CSMD1: variants seen among roughly 807,000 people sequenced by gnomAD.
CSMD1 encodes CUB and Sushi multiple domains 1.
A neutral mutation model predicts 417.5 loss-of-function variants in CSMD1; 213 were observed. The ratio of observed to expected loss-of-function variants is 0.51; its 90% confidence interval spans 0.46 to 0.57. CSMD1 has a LOEUF of 0.57. Among genes scored for constraint, CSMD1 ranks in the 20% least tolerant of loss-of-function variants. CSMD1 has a pLI of 0.00. For synonymous variants in CSMD1, 2,862 were observed against 1,736.8 expected (o/e 1.65, Z -16.11); for missense variants, 6,923 against 4,529.7 (o/e 1.53, Z -15.17).
chr8:4,380,636 A>T (rs891543431), intron 3 of CSMD1, among the ~76,000 whole-genome samples: 2 of 152,184 alleles, frequency 1.3e-5, no homozygotes, highest in African/African-American at 4.8e-5. Context: ...TGTAGTCATT[A>T]AAGTGTCAAT....
intron 2 of CSMD1, among the ~76,000 whole-genome samples, chr8:4,615,558 T>C (rs1004721627): frequency 3.9e-5 from 6 of 152,170 alleles, no homozygotes; most frequent in African/African-American, 1.2e-4. Flanking sequence ...TGAGGGCCAA[T>C]AGGTTTTCAT....
At chr8:4,792,782 T>C (rs1010543971) in intron 1 of CSMD1, among the ~76,000 whole-genome samples, 1 of 152,132 alleles carries the variant, frequency 6.6e-6, no homozygotes, top group Non-Finnish European at 1.5e-5. Context: ...CTCAGTACCA[T>C]GCGTTCCAGG....
chr8:3,800,432 G>A (rs938083878), intron 5 of CSMD1, among the ~76,000 whole-genome samples: 1 of 152,128 alleles, frequency 6.6e-6, no homozygotes, highest in Non-Finnish European at 1.5e-5. Context: ...TTGAGAAATA[G>A]TATAAATTCT....
At position 4,440,216 on chromosome 8, in the gene CSMD1, T is replaced by C. The variant is rs553102272; in HGVS notation, c.303-20151A>G. Reference sequence around the variant, plus strand: ...TTTGATCCAGCAACCTTTTGAAATATGCCCTACCTATATGTGCATGTGCAC... The same window carrying C: ...TTTGATCCAGCAACCTTTTGAAATACGCCCTACCTATATGTGCATGTGCAC... On this transcript the variant is annotated intron_variant, in intron 2 of 69. Transcript: ENST00000635120. Among the ~76,000 whole-genome samples the C allele has an allele frequency of 2.0e-5, 3 of 152,342 alleles. No homozygotes were observed. The South Asian group carries it at 6.2e-4, about 32-fold the overall frequency.
At chr8:4,165,409 G>A (rs534352494) in intron 3 of CSMD1, among the ~76,000 whole-genome samples, 10 of 152,204 alleles carry the variant, frequency 6.6e-5, no homozygotes, top group African/African-American at 2.2e-4. Flanking sequence ...GAAAATATAA[G>A]CATCATGTTT....
intron 10 of CSMD1, among the ~76,000 whole-genome samples, chr8:3,559,228 C>T (rs796822452): frequency 8.5e-5 from 13 of 152,272 alleles, no homozygotes; most frequent in African/African-American, 3.1e-4. Context: ...TGTGCAACAA[C>T]ATTACCATAA....
At chr8:4,304,247 G>A (rs183021590) in intron 3 of CSMD1, among the ~76,000 whole-genome samples, 2 of 152,196 alleles carry the variant, frequency 1.3e-5, no homozygotes, top group Non-Finnish European at 1.5e-5. Flanking sequence ...GAAGGGCTTT[G>A]CAGGCAAAGT....
intron 3 of CSMD1, among the ~76,000 whole-genome samples, chr8:4,119,078 C>T (rs1563147390): frequency 6.6e-6 from 1 of 151,960 alleles, no homozygotes; most frequent in African/African-American, 2.4e-5. Context: ...ACATCACACA[C>T]AGGGACCTGT....
chr8:3,369,400 C>T (rs757540250), intron 18 of CSMD1, 30 bp from the exon 19 acceptor site: 11 of 1,018,266 alleles, frequency 1.1e-5, no homozygotes, highest in Admixed American at 2.0e-5. Context: ...ATGATTACAG[C>T]ACTAAAGTTT....
chr8:3,593,274 G>A (rs1052766802), intron 8 of CSMD1, among the ~76,000 whole-genome samples: 11 of 152,228 alleles, frequency 7.2e-5, no homozygotes, highest in African/African-American at 2.4e-4. Context: ...GTGTTCAGGA[G>A]TAATGCAGGA....
At chr8:3,843,569 A>G (rs1207771611) in intron 5 of CSMD1, among the ~76,000 whole-genome samples, 1 of 152,212 alleles carries the variant, frequency 6.6e-6, no homozygotes, top group Non-Finnish European at 1.5e-5. Flanking sequence ...CGATGCTTTT[A>G]TGTCAATGCA....
intron 3 of CSMD1, among the ~76,000 whole-genome samples, chr8:4,192,731 T>G (rs1246177689): frequency 1.3e-5 from 2 of 152,234 alleles, no homozygotes; most frequent in Non-Finnish European, 2.9e-5. Flanking sequence ...ATTGTCTATG[T>G]ATTTGCACTT....
intron 23 of CSMD1, among the ~76,000 whole-genome samples, chr8:3,309,446 C>T (rs1805154268): frequency 7.1e-6 from 1 of 141,802 alleles, no homozygotes; most frequent in African/African-American, 2.5e-5. Flanking sequence ...ATAATGACCT[C>T]ATCAAAATAA....
intron 68 of CSMD1, among the ~76,000 whole-genome samples, chr8:2,946,471 T>C (rs187543548): frequency 3.2e-4 from 49 of 152,350 alleles, no homozygotes; most frequent in Admixed American, 3.1e-3. Context: ...GGACATCTCC[T>C]GTAATGGATT....
intron 5 of CSMD1, among the ~76,000 whole-genome samples, chr8:3,788,681 C>A (rs1388338315): frequency 2.6e-5 from 4 of 152,170 alleles, no homozygotes; most frequent in African/African-American, 4.8e-5. Flanking sequence ...AAGTACCTCT[C>A]CATCTACAGA....
chr8:3,811,612 C>T lies in CSMD1; in HGVS notation c.819-57570G>A, dbSNP rs1472849142. 5.3e-5 allele frequency among the ~76,000 whole-genome samples: 8 copies of T among 152,124 alleles called. 1 individual carries two copies. In the East Asian group the frequency reaches 5.8e-4, roughly 11 times the overall value. ...GGACAACCACAGGCACACACTCCTTCAGAACCCAGGACCAGGCTCAAGTCA... is the reference window on the plus strand; with the variant it reads ...GGACAACCACAGGCACACACTCCTTTAGAACCCAGGACCAGGCTCAAGTCA... On this transcript the variant is annotated intron_variant, in intron 5 of 69. Coordinates refer to ENST00000635120, the MANE Select transcript of CSMD1 (RefSeq NM_033225.6).
intron 12 of CSMD1, among the ~76,000 whole-genome samples, chr8:3,460,842 G>A (rs1418536739): frequency 6.6e-6 from 1 of 152,186 alleles, no homozygotes; most frequent in Non-Finnish European, 1.5e-5. Context: ...GCTGTGATGT[G>A]AGTCCCAGGT....
chr8:3,294,128 C>A (rs1056557643), intron 25 of CSMD1, among the ~76,000 whole-genome samples: 1 of 152,190 alleles, frequency 6.6e-6, no homozygotes, highest in Non-Finnish European at 1.5e-5. Flanking sequence ...GCAGCAGAGA[C>A]TGCAGAACAG....
intron 1 of CSMD1, among the ~76,000 whole-genome samples, chr8:4,876,415 C>T (rs953048482): frequency 6.6e-6 from 1 of 151,970 alleles, no homozygotes; most frequent in Admixed American, 6.6e-5. Context: ...GTACAAGTGG[C>T]CTGTTTTTGT....
Sources: gnomAD v4.1 joint callset for allele counts (sites outside exome capture counted in the v4.1 genomes callset) on GRCh38, gnomAD v4.1.1 for gene constraint, MANE v1.5 for transcripts, NCBI Gene and HGNC (gene_info 2026-07-23, HGNC 2026-07-21) for gene names.